Variants in DLGAP2 observed in about 807,000 individuals in gnomAD.
The protein encoded by DLGAP2 is DLG associated protein 2.
DLGAP2 carries 26 observed loss-of-function variants against 100.3 expected under a neutral mutation model. The observed-to-expected ratio is 0.26, with a 90% CI of 0.19 to 0.36. The LOEUF (loss-of-function observed/expected upper bound fraction) is 0.36. DLGAP2 is among the 10% of genes least tolerant of loss of function. The pLI, the probability that DLGAP2 is intolerant of heterozygous loss-of-function variation, is 1.00. For missense variants in DLGAP2, 1,858 were observed against 1,453.2 expected (o/e 1.28, Z -4.53); for synonymous variants, 886 against 630.1 (o/e 1.41, Z -6.08).
At chr8:853,108 A>C (rs1398669342) in intron 1 of DLGAP2, among the ~76,000 whole-genome samples, 1 of 152,180 alleles carries the variant, frequency 6.6e-6, no homozygotes, top group Non-Finnish European at 1.5e-5. Context: ...CATTGCACTT[A>C]GGTGTGTGTT....
chr8:1,299,996 C>G (rs767406086), intron 3 of DLGAP2: 1 of 152,238 alleles, frequency 6.6e-6, no homozygotes, highest in East Asian at 1.9e-4. Context: ...CACCTGCTCA[C>G]TGTGTCCTCA....
intron 2 of DLGAP2, among the ~76,000 whole-genome samples, chr8:1,121,234 C>T: frequency 6.7e-6 from 1 of 148,568 alleles, no homozygotes. Flanking sequence ...CCAGTTAGAA[C>T]CCATGAACAC....
At chr8:1,316,454 A>G (rs866486565) in intron 3 of DLGAP2, among the ~76,000 whole-genome samples, 11 of 118,156 alleles carry the variant, frequency 9.3e-5, no homozygotes, top group South Asian at 2.7e-4. Flanking sequence ...CACTCGAGAA[A>G]CTCGGCAGCT....
In DLGAP2 at chr8:1,660,034, C is replaced by T. The variant is rs371916356; in HGVS notation, c.1811-8295C>T. 4.0e-4 allele frequency among the ~76,000 whole-genome samples: 61 copies of T among 152,198 alleles called. 1 individual carries two copies. In the South Asian group the frequency reaches 0.012, roughly 31 times the overall value. The stretch of plus-strand genomic sequence containing the variant: ...CATTCGGGAGCTCTTATAAGGCAGG[C>T]CTGGTGGTGACAAAAAGCTCTCAGC... On this transcript the variant is annotated intron_variant, in intron 8 of 14. Transcript: ENST00000637795.
chr8:891,953 G>T (rs1454302800), intron 1 of DLGAP2, among the ~76,000 whole-genome samples: 4 of 152,234 alleles, frequency 2.6e-5, no homozygotes, highest in Non-Finnish European at 4.4e-5. Context: ...GAGCATGGAG[G>T]TGATGCTTTC....
rs573060221 is a variant in DLGAP2, at chr8:889,286, C to T, written c.19-18626C>T. 2.0e-5 allele frequency among the ~76,000 whole-genome samples: 3 copies of T among 152,310 alleles called. No homozygotes were observed. The East Asian group carries it at 5.8e-4, about 29-fold the overall frequency. On this transcript the variant is annotated intron_variant, in intron 1 of 14. Coordinates refer to ENST00000637795, the MANE Select transcript of DLGAP2 (RefSeq NM_001346810.2). The stretch of plus-strand genomic sequence containing the variant: ...GCTTAGCTTGGGCTCAGAGGCCTGA[C>T]AGCAGGCCCCGTTTAATGAAGCACT...
chr8:1,509,004 G>T (rs144960059), intron 4 of DLGAP2, among the ~76,000 whole-genome samples: 1 of 152,146 alleles, frequency 6.6e-6, no homozygotes, highest in Non-Finnish European at 1.5e-5. Flanking sequence ...GTCACTGCCA[G>T]CAAATTTTTA....
At chr8:1,279,586 C>G (rs1259597236) in intron 3 of DLGAP2, among the ~76,000 whole-genome samples, 1 of 152,346 alleles carries the variant, frequency 6.6e-6, no homozygotes. Context: ...CATGTGTCAT[C>G]TCAGTGTCTG....
In DLGAP2 at chr8:1,428,745, G is replaced by A. The variant is rs193257492; in HGVS notation, c.107-72621G>A. Among the ~76,000 whole-genome samples the A allele has an allele frequency of 2.1e-3, 320 of 152,330 alleles. 2 individuals carry two copies. Among genetic ancestry groups the A allele is most frequent in the Non-Finnish European group, 3.4e-3 (232 of 68,028 alleles). ...TCAGTGCCAGCAAATGTGTCAAGTG[G>A]AAGCTTTGCAGGCAGGAAGAGGCCA... On this transcript the variant is annotated intron_variant, in intron 3 of 14. Transcript: ENST00000637795.
Position 808,632 on chromosome 8 carries a change from C to T in DLGAP2, c.18+70807C>T, listed in dbSNP as rs553099397. On this transcript the variant is annotated intron_variant, in intron 1 of 14. Coordinates refer to ENST00000637795, the MANE Select transcript of DLGAP2 (RefSeq NM_001346810.2). Reference sequence around the variant, plus strand: ...GCGGAGCCTGTGTGAGGAGGGCGGCCGCTGTCCGAGCTCCTGCCCACCCAG... The same window carrying T: ...GCGGAGCCTGTGTGAGGAGGGCGGCTGCTGTCCGAGCTCCTGCCCACCCAG... 1.6e-4 allele frequency among the ~76,000 whole-genome samples: 24 copies of T among 152,220 alleles called. 1 individual carries two copies. Among genetic ancestry groups the T allele is most frequent in the Middle Eastern group, 6.8e-3 (2 of 294 alleles).
At chr8:1,063,877 T>C (rs1585026345) in intron 2 of DLGAP2, among the ~76,000 whole-genome samples, 1 of 152,202 alleles carries the variant, frequency 6.6e-6, no homozygotes, top group Non-Finnish European at 1.5e-5. Context: ...AATTTGCTCA[T>C]GAAGCAGAGC....
chr8:1,282,373 C>A (rs1799835634), intron 3 of DLGAP2, among the ~76,000 whole-genome samples: 2 of 146,864 alleles, frequency 1.4e-5, no homozygotes, highest in African/African-American at 2.5e-5. Flanking sequence ...TGACCTGAAC[C>A]CAGCACCTGA....
chr8:1,182,592 A>G (rs1797413482), intron 2 of DLGAP2, among the ~76,000 whole-genome samples: 1 of 152,170 alleles, frequency 6.6e-6, no homozygotes, highest in Non-Finnish European at 1.5e-5. Context: ...CCCTAACAGA[A>G]TTGTGTCACT....
At chr8:1,250,864 C>T (rs986205294) in intron 2 of DLGAP2, among the ~76,000 whole-genome samples, 4 of 152,184 alleles carry the variant, frequency 2.6e-5, no homozygotes, top group Non-Finnish European at 4.4e-5. Context: ...CAGGTAACGA[C>T]GGGGTGACGC....
intron 8 of DLGAP2, among the ~76,000 whole-genome samples, chr8:1,645,485 T>C (rs1798019836): frequency 6.6e-6 from 1 of 152,216 alleles, no homozygotes; most frequent in South Asian, 2.1e-4. Flanking sequence ...ATGTTTTTAG[T>C]GTATGATGGG....
At chr8:1,194,864 T>A (rs12542802) in intron 2 of DLGAP2, among the ~76,000 whole-genome samples, 78 of 152,172 alleles carry the variant, frequency 5.1e-4, no homozygotes, top group African/African-American at 1.6e-3. Flanking sequence ...AGTCTCAGAC[T>A]CTAGGGCTGT....
chr8:1,502,830 T>C (rs189125647), intron 4 of DLGAP2, among the ~76,000 whole-genome samples: 19 of 152,276 alleles, frequency 1.2e-4, no homozygotes, highest in African/African-American at 4.3e-4. Flanking sequence ...TTCCAGTTCT[T>C]CTCCATAGCA....
Position 1,540,254 on chromosome 8 carries a change from G to A in DLGAP2, c.173-8372G>A, listed in dbSNP as rs138624833. Among the ~76,000 whole-genome samples, 375 of 152,228 alleles carry A rather than the reference G, an allele frequency of 2.5e-3. 1 individual carries two copies. The highest frequency in any genetic ancestry group is 8.3e-3 in the African/African-American group (344 of 41,530). The stretch of plus-strand genomic sequence containing the variant: ...TGGGGTGATGAGCCCCTTGCCCCGC[G>A]TTTTTTAGAGTGTTTGTCACTGTCT... On this transcript the variant is annotated intron_variant, in intron 4 of 14. Coordinates refer to ENST00000637795, the MANE Select transcript of DLGAP2 (RefSeq NM_001346810.2).
intron 2 of DLGAP2, among the ~76,000 whole-genome samples, chr8:1,181,231 G>A (rs1373095846): frequency 4.6e-5 from 7 of 151,278 alleles, no homozygotes; most frequent in South Asian, 2.1e-4. Context: ...GGGTGGCTGT[G>A]CAAGGGCAGT....
Sources: allele counts gnomAD v4.1 joint callset (sites outside exome capture counted in the v4.1 genomes callset), GRCh38; gene constraint gnomAD v4.1.1; transcripts MANE v1.5; gene names NCBI Gene and HGNC (gene_info 2026-07-23, HGNC 2026-07-21).